TGFBR2: variants seen among roughly 807,000 people sequenced by gnomAD.
TGFBR2 encodes transforming growth factor beta receptor 2, also known as TGF-beta receptor type-2.
Under a neutral mutation model 49.0 loss-of-function variants are expected in TGFBR2, and 18 were observed. The ratio of observed to expected loss-of-function variants is 0.37; its 90% CI spans 0.25 to 0.54. The LOEUF (loss-of-function observed/expected upper bound fraction) is 0.54, where lower values mean the gene tolerates loss of function less well. TGFBR2 is among the 20% of genes least tolerant of loss of function. The probability of loss-of-function intolerance (pLI) is 0.85; values close to 1 mark genes in which losing one functional copy is unlikely to be tolerated. For synonymous variants in TGFBR2, 282 were observed against 275.9 expected (o/e 1.02, Z -0.22); for missense variants, 525 against 722.6 (o/e 0.73, Z 3.13).
At chr3:30,667,208 C>T (rs1214181397) in intron 3 of TGFBR2, among the ~76,000 whole-genome samples, 1 of 152,170 alleles carries the variant, frequency 6.6e-6, no homozygotes, top group Non-Finnish European at 1.5e-5. Flanking sequence ...TAGCACACAG[C>T]CAGGAACTTA....
chr3:30,635,460 T>A (rs934123109), intron 1 of TGFBR2, among the ~76,000 whole-genome samples: 3 of 152,164 alleles, frequency 2.0e-5, no homozygotes, highest in Admixed American at 6.5e-5. Context: ...ATTTTTAGGA[T>A]TTATTTGGGG....
intron 1 of TGFBR2, among the ~76,000 whole-genome samples, chr3:30,641,750 A>G (rs1467965503): frequency 1.3e-5 from 2 of 151,998 alleles, no homozygotes; most frequent in East Asian, 3.9e-4. Context: ...TTCAACATTC[A>G]ATGGAAAGGC....
rs546011674 is a variant in TGFBR2, at chr3:30,621,439, C to G, written c.94+14462C>G. On this transcript the variant is annotated intron_variant, in intron 1 of 6. Transcript: ENST00000295754. ...GGGATTGTAGGTGCCCACTACCACA[C>G]CTGGCTAATTTTTGTATTTTTAGTA... Among the ~76,000 whole-genome samples, 14 of 152,080 alleles carry G rather than the reference C, an allele frequency of 9.2e-5. No individual in the cohort carries two copies. In the South Asian group the frequency reaches 2.9e-3, roughly 32 times the overall value.
intron 3 of TGFBR2, among the ~76,000 whole-genome samples, chr3:30,651,253 A>G (rs370435314): frequency 6.6e-6 from 1 of 152,098 alleles, no homozygotes. Flanking sequence ...ATGAAAGTAC[A>G]TTTTCGTCCT....
chr3:30,616,602 C>A (rs1698138157), intron 1 of TGFBR2, among the ~76,000 whole-genome samples: 1 of 152,194 alleles, frequency 6.6e-6, no homozygotes, highest in Non-Finnish European at 1.5e-5. Flanking sequence ...CCAGTATTTT[C>A]TCTTCTGAAA....
chr3:30,685,716 G>C (rs1300731182), intron 5 of TGFBR2, among the ~76,000 whole-genome samples: 1 of 152,158 alleles, frequency 6.6e-6, no homozygotes, highest in African/African-American at 2.4e-5. Flanking sequence ...CGAATCTCTA[G>C]GATAGGCAAC....
At chr3:30,668,278 T>A (rs1415642304) in intron 3 of TGFBR2, among the ~76,000 whole-genome samples, 1 of 152,224 alleles carries the variant, frequency 6.6e-6, no homozygotes, top group Non-Finnish European at 1.5e-5. Flanking sequence ...ACCTGGCCAC[T>A]ACCCTGCTTT....
intron 3 of TGFBR2, among the ~76,000 whole-genome samples, chr3:30,653,250 CTTT>C (rs3076740): frequency 0.16 from 18,634 of 113,192 alleles, 1,142 homozygotes; most frequent in East Asian, 0.38. Context: ...GGAATGAAAA[CTTT>C]TTTTTTTTTT....
chr3:30,628,431 A>G (rs1294627472), intron 1 of TGFBR2, among the ~76,000 whole-genome samples: 1 of 133,448 alleles, frequency 7.5e-6, no homozygotes. Flanking sequence ...CACCTTGGTC[A>G]CCTCTGTGCT....
chr3:30,644,460 A>T (rs533978908), intron 1 of TGFBR2, among the ~76,000 whole-genome samples: 8 of 152,272 alleles, frequency 5.3e-5, no homozygotes, highest in Admixed American at 1.3e-4. Context: ...TCTTTATTGA[A>T]TGATAAGATT....
At chr3:30,624,844 T>C (rs1698302693) in intron 1 of TGFBR2, among the ~76,000 whole-genome samples, 1 of 152,188 alleles carries the variant, frequency 6.6e-6, no homozygotes, top group Non-Finnish European at 1.5e-5. Flanking sequence ...TCCACCAGTG[T>C]TCTTCAGGGT....
At chr3:30,643,532 G>T (rs982669398) in intron 1 of TGFBR2, among the ~76,000 whole-genome samples, 3 of 152,180 alleles carry the variant, frequency 2.0e-5, no homozygotes, top group African/African-American at 7.2e-5. Flanking sequence ...TTGAATAAAT[G>T]TGAATGAATA....
intron 1 of TGFBR2, among the ~76,000 whole-genome samples, chr3:30,625,639 A>G (rs1386757408): frequency 6.6e-6 from 1 of 152,224 alleles, no homozygotes; most frequent in East Asian, 1.9e-4. Context: ...ATTTTTCAGG[A>G]AGAATTTATA....
At chr3:30,607,838 AT>A (rs568777112) in intron 1 of TGFBR2, among the ~76,000 whole-genome samples, 4 of 124,362 alleles carry the variant, frequency 3.2e-5, no homozygotes, top group African/African-American at 9.2e-5. Flanking sequence ...TATATATATA[AT>A]TATATATATA....
chr3:30,659,583 C>T (rs1193603565), intron 3 of TGFBR2, among the ~76,000 whole-genome samples: 1 of 151,102 alleles, frequency 6.6e-6, no homozygotes, highest in Non-Finnish European at 1.5e-5. Context: ...GCACTGAGGC[C>T]AGATGTGCTT....
At chr3:30,607,965 G>C (rs1367115317) in intron 1 of TGFBR2, among the ~76,000 whole-genome samples, 1 of 148,456 alleles carries the variant, frequency 6.7e-6, no homozygotes, top group Non-Finnish European at 1.5e-5. Context: ...TTTTGGAGAC[G>C]GAGTCTCGCT....
chr3:30,618,725 C>T (rs1698176176), intron 1 of TGFBR2, among the ~76,000 whole-genome samples: 1 of 152,190 alleles, frequency 6.6e-6, no homozygotes, highest in African/African-American at 2.4e-5. Context: ...GATTCGATGA[C>T]AGGTTTTCAG....
intron 5 of TGFBR2, among the ~76,000 whole-genome samples, chr3:30,687,153 G>A (rs936534826): frequency 6.6e-6 from 1 of 152,198 alleles, no homozygotes; most frequent in Non-Finnish European, 1.5e-5. Flanking sequence ...GATGTTCAAG[G>A]AAGTTTTTAT....
At chr3:30,664,750 A>T (rs1325572158) in intron 3 of TGFBR2, among the ~76,000 whole-genome samples, 3 of 152,386 alleles carry the variant, frequency 2.0e-5, no homozygotes, top group Non-Finnish European at 4.4e-5. Flanking sequence ...CCTAAAAGGA[A>T]CTTAAAACTG....
Sources: allele counts gnomAD v4.1 joint callset (sites outside exome capture counted in the v4.1 genomes callset), GRCh38; gene constraint gnomAD v4.1.1; transcripts MANE v1.5; gene names NCBI Gene and HGNC (gene_info 2026-07-23, HGNC 2026-07-21).